The following NEK11 variants were observed in gnomAD, a reference collection of about 807,000 sequenced individuals.
NEK11 encodes NIMA related kinase 11.
A neutral mutation model predicts 80.7 loss-of-function variants in NEK11; 72 were observed. That is an observed-to-expected ratio of 0.89 (90% CI 0.74 to 1.08). The LOEUF (loss-of-function observed/expected upper bound fraction) is 1.08. Among genes scored for constraint, NEK11 ranks in the 50% least tolerant of loss-of-function variants. NEK11 has a pLI of 0.00. For synonymous variants in NEK11, 251 were observed against 260.7 expected, an observed-to-expected ratio of 0.96 and a Z score of 0.36; for missense variants, 764 against 763.6, an observed-to-expected ratio of 1.00 and a Z score of -0.01.
In NEK11 at chr3:131,054,845, G is replaced by A. The variant is rs1003886934; in HGVS notation, c.170+24967G>A. 2.0e-5 allele frequency among the ~76,000 whole-genome samples: 3 copies of A among 152,234 alleles called. No individual in the cohort carries two copies. The South Asian group carries it at 6.2e-4, about 32-fold the overall frequency. ...ATTGCTGAAGATGGCTAAGGGAGGG[G>A]TTTTATCATTTAGGTTGATGGTTGT... On this transcript the variant is annotated intron_variant, in intron 3 of 17. Coordinates refer to ENST00000383366, the MANE Select transcript of NEK11 (RefSeq NM_024800.5).
intron 14 of NEK11, among the ~76,000 whole-genome samples, chr3:131,191,199 A>G (rs2138383): frequency 0.86 from 131,570 of 152,244 alleles, 57,141 homozygotes; most frequent in East Asian, 1. Context: ...CATTGCCGCT[A>G]TAACAAATAA....
intron 7 of NEK11, among the ~76,000 whole-genome samples, chr3:131,143,153 G>A (rs988031948): frequency 1.3e-5 from 2 of 152,146 alleles, no homozygotes; most frequent in African/African-American, 4.8e-5. Context: ...ATTTCTATGA[G>A]TTCAATAAAT....
intron 14 of NEK11, among the ~76,000 whole-genome samples, chr3:131,171,781 C>T (rs780200545): frequency 1.7e-4 from 26 of 152,240 alleles, no homozygotes; most frequent in Non-Finnish European, 3.4e-4. Context: ...TCTTCTCAGT[C>T]TTGTTCACCA....
At chr3:131,260,447 T>C (rs974939012) in intron 16 of NEK11, among the ~76,000 whole-genome samples, 1 of 152,054 alleles carries the variant, frequency 6.6e-6, no homozygotes, top group Non-Finnish European at 1.5e-5. Flanking sequence ...AGGCCAGAGG[T>C]CAGCAAACTA....
chr3:131,281,745 T>C (rs1348032515), intron 17 of NEK11, among the ~76,000 whole-genome samples: 1 of 152,244 alleles, frequency 6.6e-6, no homozygotes, highest in East Asian at 1.9e-4. Flanking sequence ...ACAAAGTACG[T>C]TATCAAACTT....
At chr3:131,214,695 ATGTGTGTGTG>A (rs57370577) in intron 14 of NEK11, among the ~76,000 whole-genome samples, 1 of 147,560 alleles carries the variant, frequency 6.8e-6, no homozygotes, top group Admixed American at 6.8e-5. Context: ...ATGTGCGTGC[ATGTGTGTGTG>A]TGTGTGTGTG....
chr3:131,112,618 A>AGTGTTAC (rs1263737418), intron 5 of NEK11, among the ~76,000 whole-genome samples: 1 of 152,194 alleles, frequency 6.6e-6, no homozygotes, highest in Non-Finnish European at 1.5e-5. Flanking sequence ...AGTACAATTT[A>AGTGTTAC]GTGTTACAGG....
intron 14 of NEK11, among the ~76,000 whole-genome samples, chr3:131,175,751 G>T (rs781274504): frequency 6.6e-6 from 1 of 152,010 alleles, no homozygotes; most frequent in African/African-American, 2.4e-5. Context: ...GCATTTTATT[G>T]TATATAAATT....
chr3:131,256,108 TTAGA>T (rs2095811038), intron 16 of NEK11, among the ~76,000 whole-genome samples: 1 of 152,088 alleles, frequency 6.6e-6, no homozygotes, highest in Admixed American at 6.6e-5. Flanking sequence ...AAAGTTAAAA[TTAGA>T]TAGGAGGAGT....
chr3:131,311,290 A>T (rs896698795), intron 17 of NEK11, among the ~76,000 whole-genome samples: 2 of 152,128 alleles, frequency 1.3e-5, no homozygotes, highest in Non-Finnish European at 2.9e-5. Flanking sequence ...AGCTATTTTG[A>T]AATATACAAT....
intron 7 of NEK11, among the ~76,000 whole-genome samples, chr3:131,142,568 G>A (rs142547595): frequency 6.6e-6 from 1 of 152,276 alleles, no homozygotes; most frequent in Non-Finnish European, 1.5e-5. Context: ...GAGTGGCTGA[G>A]TAAATAACAG....
chr3:131,041,246 CA>C (rs1319208227), intron 3 of NEK11, among the ~76,000 whole-genome samples: 1 of 152,126 alleles, frequency 6.6e-6, no homozygotes. Flanking sequence ...ATCAAAATTA[CA>C]GGAAGGATTA....
chr3:131,189,456 A>G (rs1258308908), intron 14 of NEK11, among the ~76,000 whole-genome samples: 1 of 152,198 alleles, frequency 6.6e-6, no homozygotes, highest in Non-Finnish European at 1.5e-5. Flanking sequence ...TCTGGTTCAT[A>G]GATGATGACT....
intron 2 of NEK11, among the ~76,000 whole-genome samples, chr3:131,028,575 T>C (rs1367791654): frequency 1.3e-5 from 2 of 151,370 alleles, no homozygotes; most frequent in Non-Finnish European, 3.0e-5. Flanking sequence ...TTTTTGTTTT[T>C]GTTTTTGTTG....
intron 17 of NEK11, among the ~76,000 whole-genome samples, chr3:131,285,464 T>G (rs866752017): frequency 6.6e-6 from 1 of 152,236 alleles, no homozygotes; most frequent in African/African-American, 2.4e-5. Context: ...GATGAGGCAG[T>G]TCTTGAGCTG....
intron 14 of NEK11, among the ~76,000 whole-genome samples, chr3:131,218,444 C>T (rs1038627853): frequency 6.6e-6 from 1 of 152,148 alleles, no homozygotes; most frequent in Non-Finnish European, 1.5e-5. Context: ...GCCAGGACTG[C>T]CCCTGGGGCA....
At chr3:131,202,908 T>C (rs2094296665) in intron 14 of NEK11, among the ~76,000 whole-genome samples, 1 of 152,128 alleles carries the variant, frequency 6.6e-6, no homozygotes, top group Non-Finnish European at 1.5e-5. Context: ...AGAATGGCAA[T>C]CATTAAAAAG....
At chr3:131,334,103 C>A (rs1032974098) in intron 17 of NEK11, among the ~76,000 whole-genome samples, 1 of 152,220 alleles carries the variant, frequency 6.6e-6, no homozygotes, top group East Asian at 1.9e-4. Context: ...GAACTCAGCT[C>A]TGCACCAAGT....
At chr3:131,272,158 T>G (rs2096202597) in intron 16 of NEK11, among the ~76,000 whole-genome samples, 1 of 152,140 alleles carries the variant, frequency 6.6e-6, no homozygotes, top group Admixed American at 6.5e-5. Flanking sequence ...CCACCTTGCT[T>G]CTTTACTTGG....
Sources: gnomAD v4.1 joint callset for allele counts (sites outside exome capture counted in the v4.1 genomes callset) on GRCh38, gnomAD v4.1.1 for gene constraint, MANE v1.5 for transcripts, NCBI Gene and HGNC (gene_info 2026-07-23, HGNC 2026-07-21) for gene names.